Variants in ABHD2 observed in about 807,000 individuals in gnomAD.
The protein encoded by ABHD2 is monoacylglycerol lipase ABHD2.
ABHD2 carries 20 observed loss-of-function variants against 48.1 expected under a neutral mutation model. The ratio of observed to expected loss-of-function variants is 0.42; its 90% CI spans 0.29 to 0.60. The LOEUF (loss-of-function observed/expected upper bound fraction) is 0.60, where lower values mean the gene tolerates loss of function less well. Ranked by LOEUF, ABHD2 falls within the 20% of genes least tolerant of loss-of-function variation. The pLI is 0.24. For synonymous variants in ABHD2, 209 were observed against 214.2 expected (o/e 0.98, Z 0.21); for missense variants, 405 against 550.9 (o/e 0.74, Z 2.65).
At chr15:89,043,901 T>C in the ABHD2 span, among the ~76,000 whole-genome samples, 1 of 151,932 alleles carries the variant, frequency 6.6e-6, no homozygotes, top group Non-Finnish European at 1.5e-5. Context: ...TTCCTTTTTT[T>C]AATTTTTTAT....
the ABHD2 span, among the ~76,000 whole-genome samples, chr15:89,082,305 G>T: frequency 8.2e-3 from 1,248 of 152,340 alleles, 4 homozygotes; most frequent in Middle Eastern, 0.024. This position sits in a 1 kb window ranked among gnomAD's most constrained non-coding sequence, Gnocchi z 4.4. Context: ...TGGAGTTTGG[G>T]ATGTTTGCTC....
intron 3 of ABHD2, among the ~76,000 whole-genome samples, chr15:89,127,247 G>T (rs1252316729): frequency 6.6e-6 from 1 of 152,168 alleles, no homozygotes; most frequent in Non-Finnish European, 1.5e-5. Context: ...TAATCATAGA[G>T]TGAGGGCTCT....
intron 3 of ABHD2, among the ~76,000 whole-genome samples, chr15:89,140,444 T>A (rs1419158841): frequency 6.6e-6 from 1 of 152,214 alleles, no homozygotes; most frequent in African/African-American, 2.4e-5. Flanking sequence ...AGGTGATAAA[T>A]TAAAGATGAA....
intron 3 of ABHD2, among the ~76,000 whole-genome samples, chr15:89,130,641 C>T (rs1463281968): frequency 6.6e-6 from 1 of 152,190 alleles, no homozygotes; most frequent in Non-Finnish European, 1.5e-5. Flanking sequence ...GTTGGACAAG[C>T]TTGAGAGCTT....
At chr15:89,081,724 G>A in the ABHD2 span, among the ~76,000 whole-genome samples, 6 of 152,034 alleles carry the variant, frequency 3.9e-5, no homozygotes, top group East Asian at 1.9e-4. Context: ...GGTGGCGCAC[G>A]CGTGTAATCC....
Position 89,132,049 on chromosome 15 carries a change from GA to G in ABHD2, c.194+15537del, listed in dbSNP as rs921557655. Among the ~76,000 whole-genome samples the G allele has an allele frequency of 4.1e-4, 62 of 151,126 alleles. 1 individual carries two copies. The highest frequency in any genetic ancestry group is 9.9e-4 in the Admixed American group (15 of 15,204). On this transcript the variant is annotated intron_variant, in intron 3 of 10. Coordinates refer to ENST00000352732, the MANE Select transcript of ABHD2 (RefSeq NM_152924.5). ...TTTTTAAACAGGAGTTGAAAAACAT[GA>G]AAAAAAAATTCAAGAAAGATGAAAA...
chr15:89,057,075 G>A, the ABHD2 span, among the ~76,000 whole-genome samples: 1,932 of 151,950 alleles, frequency 0.013, 33 homozygotes, highest in African/African-American at 0.042. Flanking sequence ...CACCACGCCC[G>A]GCTAATTTTT....
At chr15:89,112,946 G>T (rs2150808102) in intron 1 of ABHD2, among the ~76,000 whole-genome samples, 1 of 152,330 alleles carries the variant, frequency 6.6e-6, no homozygotes, top group East Asian at 1.9e-4. Flanking sequence ...TAGGGTACAG[G>T]AAGGATTAAA....
the ABHD2 span, among the ~76,000 whole-genome samples, chr15:89,049,563 T>C: frequency 2.0e-5 from 3 of 152,260 alleles, no homozygotes; most frequent in African/African-American, 7.2e-5. Context: ...TAGGACCCTC[T>C]GAGCCAGGTG....
At chr15:89,086,648 C>G (rs1408811736), upstream of ABHD2, among the ~76,000 whole-genome samples, 1 of 152,168 alleles carries the variant, frequency 6.6e-6, no homozygotes, top group African/African-American at 2.4e-5. Context: ...CTCCTGGGCT[C>G]CGCCTCAGCT....
At position 89,197,082 on chromosome 15, in the gene ABHD2, C is replaced by A. The variant is rs1313696749; in HGVS notation, c.*1659C>A. 1 of 152,660 alleles carries A rather than the reference C, an allele frequency of 6.6e-6. No individual in the cohort carries two copies. The highest frequency in any genetic ancestry group is 1.5e-5 in the Non-Finnish European group (1 of 68,058). The allele number at this position is 152,660 out of a possible 1,614,324, so 9.5% of individuals were successfully genotyped here. A position where few individuals can be genotyped will look rare whatever the true frequency, so the allele number is the denominator to read the frequency against. ...AGCCACCTGGGCGCCTGAGTGCCAACCCTCAGGGCCACAGGTGGGTGTGGT... is the reference window on the plus strand; with the variant it reads ...AGCCACCTGGGCGCCTGAGTGCCAAACCTCAGGGCCACAGGTGGGTGTGGT... On this transcript the variant is annotated 3_prime_UTR_variant, in exon 11 of 11. Transcript: ENST00000352732. The surrounding 1 kb of genome is among the most constrained non-coding windows in gnomAD (Gnocchi z 4.4).
the ABHD2 span, among the ~76,000 whole-genome samples, chr15:89,044,186 G>C: frequency 1.3e-5 from 2 of 152,128 alleles, no homozygotes; most frequent in African/African-American, 2.4e-5. Flanking sequence ...AGTTTACTGA[G>C]AGTGATGATT....
intron 10 of ABHD2, among the ~76,000 whole-genome samples, chr15:89,194,878 C>T (rs1276683106): frequency 6.6e-6 from 1 of 152,204 alleles, no homozygotes; most frequent in African/African-American, 2.4e-5. Context: ...ACCTCCCACC[C>T]CCAGAGATTC....
chr15:89,180,080 A>C (rs1284842677), intron 6 of ABHD2, among the ~76,000 whole-genome samples: 1 of 152,224 alleles, frequency 6.6e-6, no homozygotes, highest in Admixed American at 6.5e-5. Flanking sequence ...AAGAGCTATA[A>C]AATACAGTAA....
chr15:89,185,776 C>G lies in ABHD2; in HGVS notation c.815+260C>G, dbSNP rs1236705261. The stretch of plus-strand genomic sequence containing the variant: ...TTGAGGCCAGGAATTTGAGACCAGC[C>G]TGGCCAACATGGCGAAACCCCATCT... On this transcript the variant is annotated intron_variant, in intron 7 of 10. Coordinates refer to ENST00000352732, the MANE Select transcript of ABHD2 (RefSeq NM_152924.5). The surrounding 1 kb of genome is among the most constrained non-coding windows in gnomAD (Gnocchi z 5.9). Among the ~76,000 whole-genome samples the G allele has an allele frequency of 1.3e-5, 2 of 152,206 alleles. No individual in the cohort carries two copies. Among genetic ancestry groups the G allele is most frequent in the African/African-American group, 4.8e-5 (2 of 41,452 alleles).
At position 89,106,787 on chromosome 15, in the gene ABHD2, C is replaced by A. The variant is rs969428100; in HGVS notation, c.-106-6938C>A. 5.9e-5 allele frequency among the ~76,000 whole-genome samples: 9 copies of A among 152,134 alleles called. No homozygotes were observed. The highest frequency in any genetic ancestry group is 2.2e-4 in the African/African-American group (9 of 41,404). ...CCACTTTTATCTGGTGTAGCAAGTT[C>A]AATAGTGACCCTCCAAAATTTATGT... On this transcript the variant is annotated intron_variant, in intron 1 of 10. Transcript: ENST00000352732. The surrounding 1 kb of genome is among the most constrained non-coding windows in gnomAD (Gnocchi z 4.2).
intron 2 of ABHD2, among the ~76,000 whole-genome samples, chr15:89,115,014 G>C (rs898766838): frequency 1.3e-5 from 2 of 152,166 alleles, no homozygotes; most frequent in African/African-American, 4.8e-5. Context: ...TTTAGAAAAG[G>C]GTTTCTGAGT....
chr15:89,044,135 T>C, the ABHD2 span, among the ~76,000 whole-genome samples: 1 of 152,122 alleles, frequency 6.6e-6, no homozygotes, highest in Admixed American at 6.5e-5. Flanking sequence ...TTCCCACCTA[T>C]GAGTGAGAAT....
intron 5 of ABHD2, among the ~76,000 whole-genome samples, chr15:89,159,448 G>A (rs1333710671): frequency 2.6e-5 from 4 of 152,208 alleles, no homozygotes; most frequent in East Asian, 1.9e-4. Flanking sequence ...TGCTGCAGCA[G>A]CATGGAGAAA....
Sources: allele counts gnomAD v4.1 joint callset (sites outside exome capture counted in the v4.1 genomes callset), GRCh38; gene constraint gnomAD v4.1.1; non-coding constraint Gnocchi (gnomAD v3.1); transcripts MANE v1.5; gene names NCBI Gene and HGNC (gene_info 2026-07-23, HGNC 2026-07-21).